Variants in HELB observed in about 807,000 individuals in gnomAD.
HELB encodes DNA 5'-3' helicase B.
A neutral mutation model predicts 101.7 loss-of-function variants in HELB; 96 were observed. The observed-to-expected ratio is 0.94, with a 90% confidence interval of 0.80 to 1.12. The LOEUF (loss-of-function observed/expected upper bound fraction) is 1.12. Ranked by LOEUF, HELB falls within the 50% of genes most tolerant of loss-of-function variation. HELB has a pLI of 0.00. For synonymous variants in HELB, 437 were observed against 459.7 expected (o/e 0.95, Z 0.63); for missense variants, 1,210 against 1,291.9 (o/e 0.94, Z 0.97).
intron 2 of HELB, 86 bp from the exon 3 acceptor site, chr12:66,306,259 G>C (rs1391281915): frequency 9.7e-7 from 1 of 1,034,660 alleles, no homozygotes; most frequent in Non-Finnish European, 1.3e-6. Context: ...TTCTTGAATC[G>C]GTTGTGCAAA....
At chr12:66,343,130 A>G (rs2053929832), downstream of HELB, 1 of 152,198 alleles carries the variant, frequency 6.6e-6, no homozygotes, top group Non-Finnish European at 1.5e-5. Flanking sequence ...ATGGGTCCCT[A>G]CATTTCCATA....
intron 8 of HELB, among the ~76,000 whole-genome samples, chr12:66,322,347 GA>G: frequency 6.6e-6 from 1 of 152,106 alleles, no homozygotes; most frequent in Non-Finnish European, 1.5e-5. Flanking sequence ...CAGATCACTT[GA>G]GGTCAGGAGT....
exon 14 of HELB, chr12:66,343,609 G>C (rs1396475607): frequency 6.6e-6 from 1 of 151,928 alleles, no homozygotes. Flanking sequence ...TATAAGTTTT[G>C]TATTTCTTTT....
rs1370937255 is a variant in HELB at position 66,325,053 on chromosome 12, C to G, written c.2597C>G (p.Thr866Ser). 2 of 1,613,556 alleles carry G rather than the reference C, an allele frequency of 1.2e-6. No homozygotes were observed. Among genetic ancestry groups the G allele is most frequent in the Non-Finnish European group, 1.7e-6 (2 of 1,179,698 alleles). The change falls in exon 11 of 13, where the codon ACT becomes AGT. Residue 866 changes from threonine to serine, a missense_variant. This residue lies in a region of HELB where 740 missense variants were observed against 728.8 expected (regional missense o/e 1.02). Coordinates refer to ENST00000247815, the MANE Select transcript of HELB (RefSeq NM_001370285.1). ...TINNMAGLEV[T>S]VDFKKLMKYC... is the part of the protein sequence containing the mutation. ...AATAATATGGCTGGCCTGGAAGTAA[C>G]TGTGGATTTTAAGAAACTAATGAAA...
chr12:66,323,912 T>A, intron 9 of HELB, 71 bp from the exon 10 acceptor site: 3 of 917,970 alleles, frequency 3.3e-6, no homozygotes, highest in Middle Eastern at 5.3e-4. Flanking sequence ...GTCTGAGTAG[T>A]AGTTAATGTT....
At chr12:66,316,668 G>A (rs2053609420) in intron 6 of HELB, among the ~76,000 whole-genome samples, 1 of 151,986 alleles carries the variant, frequency 6.6e-6, no homozygotes, top group Admixed American at 6.6e-5. Context: ...CAGATCACCT[G>A]AGGTCAGGAG....
chr12:66,316,828 G>A (rs2053611494), intron 6 of HELB, among the ~76,000 whole-genome samples: 1 of 151,854 alleles, frequency 6.6e-6, no homozygotes, highest in Non-Finnish European at 1.5e-5. Context: ...GACCATCCTG[G>A]CTAACATGGT....
rs189935411 is a variant in HELB at position 66,320,812 on chromosome 12, G to A, written c.2156-1136G>A. ...TACAAAGTACTAAGACCTAAGACAG[G>A]ATTCATATTTGGGCTAGAATTTCAG... On this transcript the variant is annotated intron_variant, in intron 7 of 12. Coordinates refer to ENST00000247815, the MANE Select transcript of HELB (RefSeq NM_001370285.1). Among the ~76,000 whole-genome samples, 37 of 152,256 alleles carry A rather than the reference G, an allele frequency of 2.4e-4. No homozygotes were observed. In the East Asian group the frequency reaches 6.4e-3, roughly 26 times the overall value.
chr12:66,334,670 T>C (rs921605596), intron 12 of HELB, among the ~76,000 whole-genome samples: 1 of 151,396 alleles, frequency 6.6e-6, no homozygotes, highest in African/African-American at 2.4e-5. Context: ...TCTTAGCTGC[T>C]TAGGAGACTG....
intron 3 of HELB, among the ~76,000 whole-genome samples, chr12:66,309,446 C>T (rs564578881): frequency 1.4e-4 from 21 of 152,058 alleles, no homozygotes; most frequent in Non-Finnish European, 2.2e-4. Context: ...GGAAAGGATT[C>T]ATAATTTTTT....
chr12:66,340,575 C>G (rs566890094), downstream of HELB: 1 of 155,292 alleles, frequency 6.4e-6, no homozygotes, highest in East Asian at 1.9e-4. Flanking sequence ...GTTAGGGTAC[C>G]CTAGAGGGAT....
At chr12:66,336,946 A>C (rs2053872582) in intron 12 of HELB, among the ~76,000 whole-genome samples, 1 of 152,200 alleles carries the variant, frequency 6.6e-6, no homozygotes, top group African/African-American at 2.4e-5. Flanking sequence ...ATGAGTTCTC[A>C]GCCAAAAGAT....
At chr12:66,317,299 C>T (rs1476653973) in intron 6 of HELB, among the ~76,000 whole-genome samples, 1 of 152,196 alleles carries the variant, frequency 6.6e-6, no homozygotes, top group Non-Finnish European at 1.5e-5. Flanking sequence ...GTGGGCCAGA[C>T]AAGCTTGAAC....
chr12:66,318,649 G>A lies in HELB; in HGVS notation c.2012G>A (p.Arg671His), dbSNP rs768747696. The A allele has an allele frequency of 9.4e-6, 15 of 1,592,576 alleles. No individual in the cohort carries two copies. Among genetic ancestry groups the A allele is most frequent in the African/African-American group, 6.8e-5 (5 of 73,404 alleles). Residue 671 changes from arginine to histidine, a missense_variant, in exon 7 of 13, where the codon CGC becomes CAC. Coordinates refer to ENST00000247815, the MANE Select transcript of HELB (RefSeq NM_001370285.1). ...IVDNATRISR[R>H]QFPKFDAELN... Reference sequence around the variant, plus strand: ...TATCTTTATTCAAGAATCTCAAGACGCCAATTTCCAAAATTTGATGCAGAA... The same window carrying A: ...TATCTTTATTCAAGAATCTCAAGACACCAATTTCCAAAATTTGATGCAGAA...
At chr12:66,335,213 C>T (rs1354839569) in intron 12 of HELB, among the ~76,000 whole-genome samples, 2 of 152,092 alleles carry the variant, frequency 1.3e-5, no homozygotes, top group African/African-American at 4.8e-5. Context: ...AGAGCCTCAG[C>T]AGGGAGTAGG....
At chr12:66,317,599 T>C (rs1285984530) in intron 6 of HELB, among the ~76,000 whole-genome samples, 1 of 152,232 alleles carries the variant, frequency 6.6e-6, no homozygotes, top group East Asian at 1.9e-4. Flanking sequence ...ACTCAGGAAT[T>C]CCTTTTAGTA....
At chr12:66,312,584 A>G (rs2136994745) in intron 4 of HELB, among the ~76,000 whole-genome samples, 1 of 152,302 alleles carries the variant, frequency 6.6e-6, no homozygotes, top group East Asian at 1.9e-4. Flanking sequence ...TTAGAAGGGG[A>G]CACCCGAAAG....
At position 66,302,553 on chromosome 12, in the gene HELB, T is replaced by G; in HGVS notation, c.-51T>G. On this transcript the variant is annotated 5_prime_UTR_variant, in exon 1 of 13. It removes an upstream start codon present in the reference 5' UTR. Transcript: ENST00000247815. ...AGAACTGATTGGCTGATCATGACCA[T>G]GCAGTTAGCCAGGGTTTTCCCGAGT... is the stretch of plus-strand genomic sequence containing the variant. 6 of 1,549,970 alleles carry G rather than the reference T, an allele frequency of 3.9e-6. No individual in the cohort carries two copies. The highest frequency in any genetic ancestry group is 2.3e-5 in the East Asian group (1 of 44,350).
intron 4 of HELB, among the ~76,000 whole-genome samples, chr12:66,311,743 T>G (rs2053547532): frequency 6.6e-6 from 1 of 152,214 alleles, no homozygotes; most frequent in Admixed American, 6.5e-5. Context: ...ATTAACATTC[T>G]TGAAAAAAAT....
Sources: gnomAD v4.1 joint callset for allele counts (sites outside exome capture counted in the v4.1 genomes callset) on GRCh38, gnomAD v4.1.1 for gene constraint, gnomAD v4.1.1 regional missense constraint, MANE v1.5 for transcripts, NCBI Gene and HGNC (gene_info 2026-07-23, HGNC 2026-07-21) for gene names.